PALM: variants seen among roughly 807,000 people sequenced by gnomAD.
PALM encodes paralemmin-1.
A neutral mutation model predicts 30.7 loss-of-function variants in PALM; 18 were observed. That is an observed-to-expected ratio of 0.59 (90% confidence interval 0.41 to 0.87). The LOEUF (loss-of-function observed/expected upper bound fraction) is 0.87, where lower values mean the gene tolerates loss of function less well. Among genes scored for constraint, PALM ranks in the 40% least tolerant of loss-of-function variants. The pLI is 0.00. For missense variants in PALM, 529 were observed against 555.4 expected (o/e 0.95, Z 0.48); for synonymous variants, 286 against 242.8 (o/e 1.18, Z -1.66).
intron 4 of PALM, among the ~76,000 whole-genome samples, chr19:729,573 C>T (rs1027250012): frequency 6.2e-5 from 9 of 146,050 alleles, no homozygotes; most frequent in African/African-American, 2.3e-4. Context: ...TCACGCCATT[C>T]TCCTGCCTCA....
rs556506873 is a variant in PALM, at chr19:745,807, C to A, written c.635-478C>A. Among the ~76,000 whole-genome samples, 172 of 152,226 alleles carry A rather than the reference C, an allele frequency of 1.1e-3. 1 individual carries two copies. Among genetic ancestry groups the A allele is most frequent in the African/African-American group, 3.9e-3 (164 of 41,540 alleles). ...GGCCTGGTGGCTCACGCCTGTGATC[C>A]CAGCACTTTAGGAGGCCAAGACGGG... On this transcript the variant is annotated intron_variant, in intron 8 of 8. Transcript: ENST00000338448.
At chr19:732,181 C>G (rs1348526065) in intron 5 of PALM, among the ~76,000 whole-genome samples, 1 of 152,168 alleles carries the variant, frequency 6.6e-6, no homozygotes, top group Non-Finnish European at 1.5e-5. Flanking sequence ...CTCTGCTGTC[C>G]AGGCTGGGGT....
chr19:719,185 G>A (rs2032370426), intron 1 of PALM: 1 of 985,416 alleles, frequency 1.0e-6, no homozygotes, highest in Non-Finnish European at 1.2e-6. Flanking sequence ...GGACGAGTGC[G>A]ACGCCCCCAT....
intron 1 of PALM, among the ~76,000 whole-genome samples, chr19:714,197 G>A (rs573857054): frequency 3.4e-4 from 51 of 150,652 alleles, no homozygotes; most frequent in African/African-American, 1.2e-3. Context: ...GAGCCACCGC[G>A]CCCGGCTTGT....
chr19:722,432 T>G (rs1238042530), intron 1 of PALM: 1 of 152,200 alleles, frequency 6.6e-6, no homozygotes, highest in East Asian at 1.9e-4. Context: ...TCTTGCTATG[T>G]TGCCCAGGCT....
intron 1 of PALM, among the ~76,000 whole-genome samples, chr19:720,334 G>T (rs1271481549): frequency 2.0e-5 from 3 of 149,666 alleles, no homozygotes; most frequent in African/African-American, 7.4e-5. Context: ...CGAGGGGGGC[G>T]CATCCTGCGT....
chr19:719,295 C>T (rs12610821), intron 1 of PALM: 3 of 985,368 alleles, frequency 3.0e-6, no homozygotes, highest in East Asian at 1.1e-4. Flanking sequence ...ACCAACGCCC[C>T]GCACCGCGGA....
chr19:727,749 G>A, intron 4 of PALM, 55 bp downstream of exon 4: 1 of 1,476,108 alleles, frequency 6.8e-7, no homozygotes, highest in East Asian at 2.5e-5. Flanking sequence ...GGGGCCGCTG[G>A]CTCCCGGGAG....
intron 1 of PALM, among the ~76,000 whole-genome samples, chr19:723,781 G>A (rs1313597135): frequency 6.6e-6 from 1 of 151,988 alleles, no homozygotes; most frequent in African/African-American, 2.4e-5. Context: ...TGGTAGAGAC[G>A]GGGTTTTACC....
chr19:741,357 CTGGGCTGGAGGGCTGAGGGGAGT>C (rs1212656861), intron 8 of PALM, among the ~76,000 whole-genome samples: 59 of 147,466 alleles, frequency 4.0e-4, no homozygotes, highest in African/African-American at 1.3e-3. Flanking sequence ...ATGGAGTCAG[CTGGGCTGGAGGGCTGAGGGGAGT>C]TGGGCTGCAG....
intron 1 of PALM, among the ~76,000 whole-genome samples, chr19:712,165 G>A (rs1426426478): frequency 6.6e-6 from 1 of 152,006 alleles, no homozygotes; most frequent in African/African-American, 2.4e-5. Flanking sequence ...TATGACTACA[G>A]GTGCCCGCCA....
rs1366092249 is a variant in PALM at position 709,217 on chromosome 19, G to GC, written c.5+71dup. On this transcript the variant is annotated intron_variant, in intron 1 of 8. Transcript: ENST00000338448. This position sits in a 1 kb window ranked among gnomAD's most constrained non-coding sequence, Gnocchi z 4.3. ...GCTCCGGGAGCCGGGGAGGGGGGAG[G>GC]CCCCCTCTCTCGCGCCCCATTGGGG... 9.9e-6 allele frequency: 3 copies of GC among 302,776 alleles called. No homozygotes were observed. The highest frequency in any genetic ancestry group is 1.8e-5 in the Non-Finnish European group (3 of 163,998). The allele number at this position is 302,776 out of a possible 1,614,324, so 18.8% of individuals were successfully genotyped here. A position where few individuals can be genotyped will look rare whatever the true frequency, so the allele number is the denominator to read the frequency against.
At chr19:740,563 C>T (rs561172315) in intron 8 of PALM, 80 bp downstream of exon 8, 16 of 1,290,900 alleles carry the variant, frequency 1.2e-5, no homozygotes, top group East Asian at 1.0e-4. Context: ...GTGGGTCTGG[C>T]GTCTGCCCCG....
chr19:726,830 G>T (rs1395354183), intron 2 of PALM, among the ~76,000 whole-genome samples, 178 bp from the exon 3 acceptor site: 4 of 152,190 alleles, frequency 2.6e-5, no homozygotes, highest in African/African-American at 9.6e-5. Context: ...ACAGGGTCTT[G>T]CGCTGCTGTC....
intron 1 of PALM, among the ~76,000 whole-genome samples, chr19:712,625 C>T (rs150606144): frequency 0.018 from 2,798 of 151,924 alleles, 98 homozygotes; most frequent in African/African-American, 0.063. Context: ...CCTTGTGATC[C>T]ACCTGCCTTG....
rs535755828 is a variant in PALM, at chr19:712,197, AT to A, written c.5+3051del. Reference sequence around the variant, plus strand: ...GCCACCACGCCCGGCTAATTTTTGTATTTTTAGTAGCGACAGGGTTTCACCA... The same window carrying A: ...GCCACCACGCCCGGCTAATTTTTGTATTTTAGTAGCGACAGGGTTTCACCA... On this transcript the variant is annotated intron_variant, in intron 1 of 8. Transcript: ENST00000338448. 4.5e-3 allele frequency among the ~76,000 whole-genome samples: 635 copies of A among 141,202 alleles called. 3 individuals are homozygous for A. The highest frequency in any genetic ancestry group is 0.016 in the African/African-American group (588 of 37,832). 92.6% of individuals were successfully genotyped at this position (141,202 alleles called of 152,430 possible).
chr19:739,701 C>T (rs1383477914), intron 7 of PALM, among the ~76,000 whole-genome samples: 5 of 151,920 alleles, frequency 3.3e-5, no homozygotes, highest in African/African-American at 4.8e-5. Context: ...ATAGGCTGGG[C>T]GCGGTGGCTC....
At chr19:732,811 C>G (rs2032913977) in intron 5 of PALM, among the ~76,000 whole-genome samples, 1 of 152,056 alleles carries the variant, frequency 6.6e-6, no homozygotes, top group Admixed American at 6.6e-5. Context: ...AGGTGGGAAG[C>G]CCAGGGCGCT....
chr19:728,043 G>A (rs564182051), intron 4 of PALM, among the ~76,000 whole-genome samples: 50 of 137,676 alleles, frequency 3.6e-4, no homozygotes, highest in Admixed American at 1.1e-3. Flanking sequence ...TCGAGCTCGT[G>A]GGTCCCTGGA....
Sources: allele counts gnomAD v4.1 joint callset (sites outside exome capture counted in the v4.1 genomes callset), GRCh38; gene constraint gnomAD v4.1.1; non-coding constraint Gnocchi (gnomAD v3.1); transcripts MANE v1.5; gene names NCBI Gene and HGNC (gene_info 2026-07-23, HGNC 2026-07-21).